The following COL6A3 variants were observed in gnomAD, a reference collection of about 807,000 sequenced individuals.
COL6A3 encodes collagen alpha-3(VI) chain.
COL6A3 carries 137 observed loss-of-function variants against 274.1 expected under a neutral mutation model. That is an observed-to-expected ratio of 0.50 (90% CI 0.44 to 0.58). COL6A3 has a LOEUF of 0.58. Among genes scored for constraint, COL6A3 ranks in the 20% least tolerant of loss-of-function variants. The pLI, the probability that COL6A3 is intolerant of heterozygous loss-of-function variation, is 0.00. For synonymous variants in COL6A3, 1,650 were observed against 1,650.6 expected (o/e 1.00, Z 0.01); for missense variants, 3,950 against 4,124.9 (o/e 0.96, Z 1.16).
chr2:237,400,849 C>T (rs979266349), intron 1 of COL6A3, among the ~76,000 whole-genome samples: 5 of 152,114 alleles, frequency 3.3e-5, no homozygotes, highest in Non-Finnish European at 7.4e-5. Flanking sequence ...TACTAGCTGA[C>T]CAAATCAACA....
Position 237,366,768 on chromosome 2 carries a change from C to G in COL6A3, c.5419G>C (p.Glu1807Gln). Residue 1807 changes from glutamate (E) to glutamine (Q), a missense_variant, in exon 11 of 44, where the codon GAA (glutamate) becomes CAA (glutamine). Physicochemically the swap from Glu to Gln is conservative, Grantham distance 29 (BLOSUM62 2). Transcript: ENST00000295550. ...FRVGNVQELS[E>Q]LSEQVLETLH... ...GTTTCCAAAACTTGCTCGCTCAGTT[C>G]GGACAGCTCCTGGACGTTGCCCACG... The G allele has an allele frequency of 6.2e-7, 1 of 1,614,264 alleles. No homozygotes were observed.
In COL6A3 at chr2:237,344,597, T is replaced by C; in HGVS notation, c.7421A>G (p.Lys2474Arg). ...KRKSVLLDKI[K>R]NLQVALTSKQ... ...GGATGTCAGAGCCACCTGAAGGTTC[T>C]TAATCTTGTCCAGGAGGACCGACTT... The change falls in exon 36 of 44, where the codon AAG becomes AGG. Residue 2474 changes from lysine to arginine, a missense_variant. Transcript: ENST00000295550. This position sits in a 1 kb window ranked among gnomAD's most constrained non-coding sequence, Gnocchi z 4.8. The C allele has an allele frequency of 1.2e-6, 2 of 1,614,230 alleles. No individual in the cohort carries two copies. Among genetic ancestry groups the C allele is most frequent in the Non-Finnish European group, 1.7e-6 (2 of 1,180,042 alleles).
intron 27 of COL6A3, 77 bp from the exon 28 acceptor site, chr2:237,350,286 C>T: frequency 1.4e-6 from 2 of 1,397,340 alleles, no homozygotes; most frequent in East Asian, 2.3e-5. Flanking sequence ...TGCTTTTGCT[C>T]TAGGTAAGGG....
At chr2:237,335,803 C>A (rs1700510883) in intron 40 of COL6A3, among the ~76,000 whole-genome samples, 1 of 152,210 alleles carries the variant, frequency 6.6e-6, no homozygotes, top group Admixed American at 6.5e-5. Context: ...CTCTCACTCC[C>A]TAAATAGGAG....
rs1304452483 is a variant in COL6A3, at chr2:237,368,290, A to G, written c.4900+273T>C. On this transcript the variant is annotated intron_variant, in intron 10 of 43. Transcript: ENST00000295550. This position sits in a 1 kb window ranked among gnomAD's most constrained non-coding sequence, Gnocchi z 4.4. ...TGGCTGATTTCAAAGATGCCATCCT[A>G]TTCTGAGAGCCAATGAGTTTGTAAT... Among the ~76,000 whole-genome samples, 2 of 152,226 alleles carry G rather than the reference A, an allele frequency of 1.3e-5. No homozygotes were observed. The highest frequency in any genetic ancestry group is 4.8e-5 in the African/African-American group (2 of 41,464).
At chr2:237,373,518 T>G (rs1002442814) in intron 8 of COL6A3, among the ~76,000 whole-genome samples, 1 of 152,170 alleles carries the variant, frequency 6.6e-6, no homozygotes, top group Admixed American at 6.5e-5. Context: ...CCCTCTCAGT[T>G]GCACCCAAAT....
In COL6A3 at chr2:237,344,842, C is replaced by A. The variant is rs747934984; in HGVS notation, c.7176G>T (p.Gly2392=). 3 of 1,613,230 alleles carry A rather than the reference C, an allele frequency of 1.9e-6. No individual in the cohort carries two copies. In the East Asian group the frequency reaches 6.7e-5, roughly 36 times the overall value. Residue 2392 remains glycine (G), a splice_region_variant and synonymous_variant, in exon 36 of 44, where the codon GGG becomes GGT. Coordinates refer to ENST00000295550, the MANE Select transcript of COL6A3 (RefSeq NM_004369.4). This position sits in a 1 kb window ranked among gnomAD's most constrained non-coding sequence, Gnocchi z 4.8. ...SIKDKCPCCY[G]PLECPVFPTE... is the part of the protein sequence containing the mutation. ...TTGGGAAGACGGGGCACTCCAGGGGCCCTGTGGAAAGTAGAGGGTGGAGGG... is the reference window on the plus strand; with the variant it reads ...TTGGGAAGACGGGGCACTCCAGGGGACCTGTGGAAAGTAGAGGGTGGAGGG...
intron 43 of COL6A3, 99 bp downstream of exon 43, chr2:237,325,461 A>G: frequency 1.6e-6 from 2 of 1,272,000 alleles, no homozygotes; most frequent in African/African-American, 1.5e-5. Flanking sequence ...TCTTTTTCAC[A>G]TGTATCATAA....
chr2:237,326,121 T>C (rs1405799210), intron 42 of COL6A3: 1 of 166,298 alleles, frequency 6.0e-6, no homozygotes, highest in Non-Finnish European at 1.3e-5. Flanking sequence ...CAGGGTTTTA[T>C]AATTCTTGGC....
At position 237,395,007 on chromosome 2, in the gene COL6A3, G is replaced by T. The variant is rs144651558; in HGVS notation, c.289C>A (p.Arg97Ser). The T allele has an allele frequency of 3.7e-6, 6 of 1,614,084 alleles. No homozygotes were observed. The highest frequency in any genetic ancestry group is 4.2e-6 in the Non-Finnish European group (5 of 1,180,012). ...PHTEFLLNTY[R>S]TKQEVLSHIS... Reference sequence around the variant, plus strand: ...TGAGAAAGGACTTCTTGTTTAGTACGATACGTATTTAACAGGAACTCGGTA... The same window carrying T: ...TGAGAAAGGACTTCTTGTTTAGTACTATACGTATTTAACAGGAACTCGGTA... Residue 97 changes from arginine (R) to serine (S), a missense_variant, in exon 3 of 44, where the codon CGT becomes AGT. This residue lies in a region of COL6A3 where 1,934 missense variants were observed against 1,984.3 expected (regional missense o/e 0.97). Transcript: ENST00000295550.
intron 28 of COL6A3, 92 bp from the exon 29 acceptor site, chr2:237,348,755 T>C: frequency 9.4e-7 from 1 of 1,068,720 alleles, no homozygotes; most frequent in Non-Finnish European, 1.4e-6. Context: ...GAGAAGTGGA[T>C]CCTTGAGCTC....
intron 42 of COL6A3, chr2:237,326,215 AG>A (rs969586581): frequency 1.3e-5 from 2 of 159,798 alleles, no homozygotes; most frequent in African/African-American, 4.8e-5. Context: ...TGAAAATTAA[AG>A]GTAAAGCAGA....
At chr2:237,362,251 C>T (rs10202497) in intron 14 of COL6A3, among the ~76,000 whole-genome samples, 1 of 152,066 alleles carries the variant, frequency 6.6e-6, no homozygotes, top group Admixed American at 6.5e-5. Flanking sequence ...CATGACCACC[C>T]TTCCTTGGAA....
rs779083698 is a variant in COL6A3, at chr2:237,378,741, G to C, written c.2392C>G (p.Leu798Val). The change falls in exon 6 of 44, where the codon CTC becomes GTC. Residue 798 changes from leucine (L) to valine (V), a missense_variant. Physicochemically the swap from Leu to Val is conservative, Grantham distance 32 (BLOSUM62 1). Coordinates refer to ENST00000295550, the MANE Select transcript of COL6A3 (RefSeq NM_004369.4). ...GGCAGGGAGCTGAAATCATCCATGA[G>C]ATACACCAGGCTTGGGTTAAAAGCA... ...QIAFNPSLVYLMDDFSSLPAL... is the reference protein window; with the variant it reads ...QIAFNPSLVYVMDDFSSLPAL... 6.2e-7 allele frequency: 1 copy of C among 1,614,044 alleles called. No homozygotes were observed. The highest frequency in any genetic ancestry group is 8.5e-7 in the Non-Finnish European group (1 of 1,180,048).
In COL6A3 at chr2:237,334,655, C is replaced by G; in HGVS notation, c.9200G>C (p.Arg3067Thr). ...ACTGAAACTTCCGTGGTAGGTGGCT[C>G]TGACCTGAGACCTCAGGTAGCAGAC... ...AVVCYLRSQV[R>T]ATYHGSFSTK... is the part of the protein sequence containing the mutation. Residue 3067 changes from arginine (R) to threonine (T), a missense_variant, in exon 41 of 44, where the codon AGA (arginine) becomes ACA (threonine). Around this residue, in one of 5 missense-constraint regions of COL6A3, gnomAD observed 1,284 missense variants for 1,349.7 expected, o/e 0.95. Coordinates refer to ENST00000295550, the MANE Select transcript of COL6A3 (RefSeq NM_004369.4). 6.2e-7 allele frequency: 1 copy of G among 1,613,622 alleles called. No individual in the cohort carries two copies. Among genetic ancestry groups the G allele is most frequent in the Non-Finnish European group, 8.5e-7 (1 of 1,180,006 alleles).
Position 237,380,911 on chromosome 2 carries a change from A to G in COL6A3, c.1897+4T>C. The G allele has an allele frequency of 6.2e-7, 1 of 1,613,682 alleles. No individual in the cohort carries two copies. The highest frequency in any genetic ancestry group is 8.5e-7 in the Non-Finnish European group (1 of 1,179,926). On this transcript the variant is annotated splice_donor_region_variant and intron_variant, in intron 5 of 43. Transcript: ENST00000295550. ...TTGTGTGTCTGAAGCCATCACCACC[A>G]TACCTTCAGGGGTTCCAGAGAGGGT... is the stretch of plus-strand genomic sequence containing the variant.
At position 237,348,657 on chromosome 2, in the gene COL6A3, C is replaced by G. The variant is rs767679284; in HGVS notation, c.6886G>C (p.Asp2296His). ...NRGPRGETGD[D>H]GRDGVGSEGR... is the part of the protein sequence containing the mutation. ...TCACTGCCAACTCCGTCTCTCCCGTCATCTCCCTAAGAGTGGGAAAGAGAT... is the reference window on the plus strand; with the variant it reads ...TCACTGCCAACTCCGTCTCTCCCGTGATCTCCCTAAGAGTGGGAAAGAGAT... The change falls in exon 29 of 44, where the codon GAC becomes CAC. Residue 2296 changes from aspartate to histidine, a missense_variant. Physicochemically the swap from Asp to His is moderately conservative, Grantham distance 81 (BLOSUM62 -1). Around this residue, in one of 5 missense-constraint regions of COL6A3, gnomAD observed 1,284 missense variants for 1,349.7 expected, o/e 0.95. Transcript: ENST00000295550. 30 of 1,614,196 alleles carry G rather than the reference C, an allele frequency of 1.9e-5. No homozygotes were observed. The highest frequency in any genetic ancestry group is 2.5e-5 in the Non-Finnish European group (30 of 1,180,014).
rs1453599053 is a variant in COL6A3, at chr2:237,368,795, C to T, written c.4668G>A (p.Val1556=). Reference sequence around the variant, plus strand: ...AACGGATCACCTGGGCGAACCTGGACACATCGTCCTGGGATTTTCCACCCA... The same window carrying T: ...AACGGATCACCTGGGCGAACCTGGATACATCGTCCTGGGATTTTCCACCCA... ...LVLGGKSQDD[V]SRFAQVIRSS... Residue 1556 remains valine (V), a synonymous_variant, in exon 10 of 44, where the codon GTG becomes GTA. Coordinates refer to ENST00000295550, the MANE Select transcript of COL6A3 (RefSeq NM_004369.4). The surrounding 1 kb of genome is among the most constrained non-coding windows in gnomAD (Gnocchi z 4.4). 26 of 1,614,206 alleles carry T rather than the reference C, an allele frequency of 1.6e-5. No homozygotes were observed. The highest frequency in any genetic ancestry group is 2.2e-5 in the Non-Finnish European group (26 of 1,180,028).
chr2:237,349,927 A>C (rs2077170947), intron 28 of COL6A3, among the ~76,000 whole-genome samples: 2 of 152,130 alleles, frequency 1.3e-5, no homozygotes, highest in Admixed American at 1.3e-4. Flanking sequence ...CAGGGGAAAA[A>C]ATGTCTCTCC....
Sources: gnomAD v4.1 joint callset for allele counts (sites outside exome capture counted in the v4.1 genomes callset) on GRCh38, gnomAD v4.1.1 for gene constraint, gnomAD v4.1.1 regional missense constraint, Gnocchi (gnomAD v3.1) non-coding constraint, MANE v1.5 for transcripts, NCBI Gene and HGNC (gene_info 2026-07-23, HGNC 2026-07-21) for gene names.